Variants in UGGT1 observed in about 807,000 individuals in gnomAD.
The protein encoded by UGGT1 is UDP-glucose:glycoprotein glucosyltransferase 1.
UGGT1 carries 107 observed loss-of-function variants against 203.9 expected under a neutral mutation model. The ratio of observed to expected loss-of-function variants is 0.52; its 90% CI spans 0.45 to 0.62. The LOEUF (loss-of-function observed/expected upper bound fraction) is 0.62, where lower values mean the gene tolerates loss of function less well. Among genes scored for constraint, UGGT1 ranks in the 20% least tolerant of loss-of-function variants. The probability of loss-of-function intolerance (pLI) is 0.00; values close to 1 mark genes in which losing one functional copy is unlikely to be tolerated. For missense variants in UGGT1, 1,673 were observed against 1,867.2 expected, an observed-to-expected ratio of 0.90 and a Z score of 1.92; for synonymous variants, 628 against 653.5, an observed-to-expected ratio of 0.96 and a Z score of 0.59.
At position 128,189,573 on chromosome 2, in the gene UGGT1, C is replaced by T; in HGVS notation, c.4643-144C>T. 6.9e-6 allele frequency: 6 copies of T among 868,172 alleles called. No individual in the cohort carries two copies. In the South Asian group the frequency reaches 1.2e-4, roughly 17 times the overall value. 53.8% of individuals were successfully genotyped at this position (868,172 alleles called of 1,614,324 possible). The stretch of plus-strand genomic sequence containing the variant: ...TTGCTTTCAAAATACAGTACAAAAG[C>T]ACAAATCCCAAAGATTTAGTAAGTG... On this transcript the variant is annotated intron_variant, in intron 40 of 40. Transcript: ENST00000259253.
At position 128,123,209 on chromosome 2, in the gene UGGT1, G is replaced by A. The variant is rs375209686; in HGVS notation, c.1097G>A (p.Ser366Asn). 1 of 1,613,422 alleles carries A rather than the reference G, an allele frequency of 6.2e-7. No individual in the cohort carries two copies. Among genetic ancestry groups the A allele is most frequent in the Admixed American group, 1.7e-5 (1 of 59,978 alleles). Residue 366 changes from serine to asparagine, a missense_variant, in exon 11 of 41, where the codon AGC becomes AAC. Around this residue, in one of 4 missense-constraint regions of UGGT1, gnomAD observed 1,073 missense variants for 1,078.7 expected, o/e 0.99. Transcript: ENST00000259253. ...KARAITKTAVSSELRTEVEEN... is the reference protein window; with the variant it reads ...KARAITKTAVNSELRTEVEEN... ...AGAGCAATAACAAAAACAGCTGTGAGCTCAGAACTTAGAACCGAAGTGGAA... is the reference window on the plus strand; with the variant it reads ...AGAGCAATAACAAAAACAGCTGTGAACTCAGAACTTAGAACCGAAGTGGAA...
At chr2:128,124,973 T>C (rs1688542414) in intron 11 of UGGT1, among the ~76,000 whole-genome samples, 2 of 152,178 alleles carry the variant, frequency 1.3e-5, no homozygotes, top group South Asian at 4.1e-4. Context: ...ATGATGTGGC[T>C]TTGTGACTGT....
At position 128,176,815 on chromosome 2, in the gene UGGT1, C is replaced by T; in HGVS notation, c.3541C>T (p.His1181Tyr). Reference sequence around the variant, plus strand: ...ATTGATCTTTCTTTTCTCGCAAAGCCACGATGGCACTGATTCTCCCCCTGA... The same window carrying T: ...ATTGATCTTTCTTTTCTCGCAAAGCTACGATGGCACTGATTCTCCCCCTGA... ...RSEDIYRIYS[H>Y]DGTDSPPDAD... Residue 1181 changes from histidine to tyrosine, a missense_variant and splice_region_variant, in exon 32 of 41, where the codon CAC becomes TAC. Transcript: ENST00000259253. The T allele has an allele frequency of 6.2e-7, 1 of 1,613,666 alleles. No individual in the cohort carries two copies. Among genetic ancestry groups the T allele is most frequent in the Non-Finnish European group, 8.5e-7 (1 of 1,179,882 alleles).
At chr2:128,125,234 G>A (rs894753561) in intron 11 of UGGT1, among the ~76,000 whole-genome samples, 1 of 152,018 alleles carries the variant, frequency 6.6e-6, no homozygotes, top group African/African-American at 2.4e-5. Flanking sequence ...GTCCACAGAT[G>A]TTCTGTTTTG....
intron 16 of UGGT1, among the ~76,000 whole-genome samples, chr2:128,141,313 G>C (rs1238569451): frequency 6.6e-6 from 1 of 151,878 alleles, no homozygotes; most frequent in East Asian, 2.0e-4. Context: ...ACAAAAATTG[G>C]GCCGGGCACG....
chr2:128,130,970 C>T (rs749897385), intron 13 of UGGT1, among the ~76,000 whole-genome samples: 1 of 151,984 alleles, frequency 6.6e-6, no homozygotes, highest in East Asian at 1.9e-4. Flanking sequence ...CAGTGGCTCA[C>T]GCCTGTAATC....
intron 8 of UGGT1, among the ~76,000 whole-genome samples, chr2:128,116,593 C>T (rs1484383573): frequency 2.0e-5 from 3 of 151,994 alleles, no homozygotes; most frequent in African/African-American, 7.2e-5. Flanking sequence ...GGCGTGATCT[C>T]GACTCACTGC....
rs957718497 is a variant in UGGT1, at chr2:128,192,802, G to A, written c.*3060G>A. On this transcript the variant is annotated 3_prime_UTR_variant, in exon 41 of 41. Coordinates refer to ENST00000259253, the MANE Select transcript of UGGT1 (RefSeq NM_020120.4). ...TGTACATCTGTCATTGTTGCATTTCGAATTGAACACATAGATGCTTGCCTG... is the reference window on the plus strand; with the variant it reads ...TGTACATCTGTCATTGTTGCATTTCAAATTGAACACATAGATGCTTGCCTG... 1.3e-5 allele frequency: 2 copies of A among 151,988 alleles called. No individual in the cohort carries two copies. Among genetic ancestry groups the A allele is most frequent in the Non-Finnish European group, 2.9e-5 (2 of 68,004 alleles). The allele number at this position is 151,988 out of a possible 1,614,324, so 9.4% of individuals were successfully genotyped here.
At chr2:128,091,456 A>C (rs1686857618) in intron 1 of UGGT1, 41 bp downstream of exon 1, 1 of 1,558,906 alleles carries the variant, frequency 6.4e-7, no homozygotes. Context: ...GGACAAAGAG[A>C]GGGTTTGGGG....
chr2:128,125,920 T>A (rs1274728493), intron 11 of UGGT1, among the ~76,000 whole-genome samples: 1 of 151,664 alleles, frequency 6.6e-6, no homozygotes, highest in African/African-American at 2.4e-5. Flanking sequence ...AGTAAAACAT[T>A]TTATTAAAGC....
At chr2:128,178,308 TGTG>T (rs1451213843) in intron 33 of UGGT1, among the ~76,000 whole-genome samples, 157 bp from the exon 34 acceptor site, 1 of 152,210 alleles carries the variant, frequency 6.6e-6, no homozygotes, top group African/African-American at 2.4e-5. Context: ...TTGTCAGTCT[TGTG>T]GTCTCTCCAG....
intron 12 of UGGT1, 122 bp downstream of exon 12, chr2:128,127,574 C>T (rs543767351): frequency 2.9e-5 from 21 of 717,660 alleles, no homozygotes; most frequent in South Asian, 2.7e-4. Context: ...TACCAGCCCC[C>T]ACTGGGTGGA....
At chr2:128,109,300 C>A (rs986522478) in intron 4 of UGGT1, among the ~76,000 whole-genome samples, 15 of 152,152 alleles carry the variant, frequency 9.9e-5, no homozygotes, top group Admixed American at 3.9e-4. Flanking sequence ...ACTTTTCAGG[C>A]TCAAGCAATC....
chr2:128,130,791 T>C (rs1688842194), intron 13 of UGGT1, among the ~76,000 whole-genome samples: 1 of 152,170 alleles, frequency 6.6e-6, no homozygotes, highest in Non-Finnish European at 1.5e-5. Context: ...ATATTTTTCT[T>C]TCTTTCTTTT....
At chr2:128,184,247 A>C (rs931661340) in intron 38 of UGGT1, among the ~76,000 whole-genome samples, 6 of 152,144 alleles carry the variant, frequency 3.9e-5, no homozygotes, top group African/African-American at 1.4e-4. Flanking sequence ...GGCTAGCTAA[A>C]TTACTGTTTG....
chr2:128,138,093 CAG>C (rs1689220341), intron 15 of UGGT1, among the ~76,000 whole-genome samples: 2 of 150,654 alleles, frequency 1.3e-5, no homozygotes, highest in South Asian at 2.1e-4. Flanking sequence ...TGTTTAAAAT[CAG>C]AAAAAAAAAA....
chr2:128,155,436 T>C, intron 19 of UGGT1, 53 bp from the exon 20 acceptor site: 2 of 1,330,798 alleles, frequency 1.5e-6, no homozygotes, highest in Non-Finnish European at 2.1e-6. Context: ...AGTTGAATAT[T>C]AAGAATAGAT....
chr2:128,183,647 T>G, intron 37 of UGGT1, 28 bp from the exon 38 acceptor site: 1 of 1,550,408 alleles, frequency 6.4e-7, no homozygotes, highest in East Asian at 2.2e-5. Context: ...CCATGGTTGG[T>G]TGTAACAAGC....
chr2:128,189,435 T>C (rs1220067322), intron 40 of UGGT1, among the ~76,000 whole-genome samples: 1 of 152,156 alleles, frequency 6.6e-6, no homozygotes, highest in Non-Finnish European at 1.5e-5. Flanking sequence ...AAATCCCGAC[T>C]AAAAAAATGC....
Sources: allele counts gnomAD v4.1 joint callset (sites outside exome capture counted in the v4.1 genomes callset), GRCh38; gene constraint gnomAD v4.1.1; regional missense constraint gnomAD v4.1.1; transcripts MANE v1.5; gene names NCBI Gene and HGNC (gene_info 2026-07-23, HGNC 2026-07-21).